The following TMEM135 variants were observed in gnomAD, a reference collection of about 807,000 sequenced individuals.
The protein encoded by TMEM135 is transmembrane protein 135, also known as peroxisomal membrane protein 52.
TMEM135 carries 30 observed loss-of-function variants against 60.3 expected under a neutral mutation model. The ratio of observed to expected loss-of-function variants is 0.50; its 90% CI spans 0.37 to 0.68. The LOEUF is 0.68. TMEM135 is among the 30% of genes least tolerant of loss of function. TMEM135 has a pLI of 0.00. For missense variants in TMEM135, 468 were observed against 548.8 expected (o/e 0.85, Z 1.47); for synonymous variants, 190 against 186.7 (o/e 1.02, Z -0.14).
At position 87,071,688 on chromosome 11, in the gene TMEM135, A is replaced by G. The variant is rs1555099523; in HGVS notation, c.362+73A>G. 5 of 955,208 alleles carry G rather than the reference A, an allele frequency of 5.2e-6. No individual in the cohort carries two copies. The Admixed American group carries it at 7.1e-5, about 14-fold the overall frequency. The allele number at this position is 955,208 out of a possible 1,614,324, so 59.2% of individuals were successfully genotyped here. ...CCCCAACTATAATTTTTTTTTTTTTAATTATCACTTACAGGGATGAGAAAT... is the reference window on the plus strand; with the variant it reads ...CCCCAACTATAATTTTTTTTTTTTTGATTATCACTTACAGGGATGAGAAAT... On this transcript the variant is annotated intron_variant, in intron 3 of 14. Transcript: ENST00000305494.
chr11:87,129,739 C>T (rs1937862716), intron 4 of TMEM135, among the ~76,000 whole-genome samples: 3 of 151,958 alleles, frequency 2.0e-5, no homozygotes, highest in Non-Finnish European at 2.9e-5. Context: ...TGTGGTTTTG[C>T]CATGTTAGCC....
intron 6 of TMEM135, among the ~76,000 whole-genome samples, chr11:87,276,479 A>AG (rs1277337290): frequency 1.3e-5 from 2 of 151,330 alleles, no homozygotes; most frequent in African/African-American, 4.9e-5. Context: ...CAATTTTGTT[A>AG]CTCTAGTACA....
chr11:87,228,112 G>A (rs1940804775), intron 5 of TMEM135, among the ~76,000 whole-genome samples: 1 of 152,074 alleles, frequency 6.6e-6, no homozygotes, highest in East Asian at 1.9e-4. Flanking sequence ...CCACCTATAG[G>A]ATGAAGTGTA....
intron 6 of TMEM135, among the ~76,000 whole-genome samples, chr11:87,257,520 G>A (rs1335109267): frequency 1.3e-5 from 2 of 152,192 alleles, no homozygotes; most frequent in Non-Finnish European, 2.9e-5. Flanking sequence ...CTCGTCTTCA[G>A]TGGGGATAAT....
intron 4 of TMEM135, among the ~76,000 whole-genome samples, chr11:87,116,257 G>A (rs1448612390): frequency 6.6e-6 from 1 of 152,100 alleles, no homozygotes; most frequent in Non-Finnish European, 1.5e-5. Context: ...ATAATTGTTA[G>A]CCTTTATAAA....
Position 87,177,920 on chromosome 11 carries a change from T to C in TMEM135, c.462+20514T>C, listed in dbSNP as rs184840023. Among the ~76,000 whole-genome samples, 19 of 152,272 alleles carry C rather than the reference T, an allele frequency of 1.2e-4. No individual in the cohort carries two copies. In the East Asian group the frequency reaches 3.1e-3, roughly 25 times the overall value. On this transcript the variant is annotated intron_variant, in intron 5 of 14. Transcript: ENST00000305494. ...CTCACAGAGCTCACTAAAAATGTTA[T>C]ATAGTTTTATTATAAAGGGTACACA...
In TMEM135 at chr11:87,275,262, G is replaced by T. The variant is rs1264521635; in HGVS notation, c.510-20520G>T. 1.3e-5 allele frequency among the ~76,000 whole-genome samples: 2 copies of T among 152,054 alleles called. 1 individual carries two copies. Among genetic ancestry groups the T allele is most frequent in the Admixed American group, 1.3e-4 (2 of 15,250 alleles). ...TCTTGGAATTTAGACTCTGAAGCTT[G>T]AATTTCCTTCCTTTTTTTCAACAAA... On this transcript the variant is annotated intron_variant, in intron 6 of 14. Transcript: ENST00000305494.
intron 6 of TMEM135, among the ~76,000 whole-genome samples, chr11:87,248,810 C>T (rs1353383974): frequency 3.3e-5 from 5 of 152,008 alleles, no homozygotes; most frequent in Non-Finnish European, 7.4e-5. Flanking sequence ...TTATAGTTTT[C>T]ATTGTAGAGA....
chr11:87,179,685 C>T (rs188120450), intron 5 of TMEM135, among the ~76,000 whole-genome samples: 175 of 152,146 alleles, frequency 1.2e-3, no homozygotes, highest in Middle Eastern at 0.01. Flanking sequence ...TCTGTCTTTG[C>T]CCATTGAATT....
At chr11:87,084,120 G>GA (rs999169370) in intron 3 of TMEM135, among the ~76,000 whole-genome samples, 45 of 151,566 alleles carry the variant, frequency 3.0e-4, no homozygotes, top group African/African-American at 8.9e-4. Flanking sequence ...AAAGCTTCTG[G>GA]AAAAAAAACC....
chr11:87,075,972 A>T lies in TMEM135; in HGVS notation c.362+4357A>T, dbSNP rs534942552. Reference sequence around the variant, plus strand: ...CATCCCTGTGGCTACCATCCCTGGGACTGCGCTGGGTCAGACTTGAAGCTA... The same window carrying T: ...CATCCCTGTGGCTACCATCCCTGGGTCTGCGCTGGGTCAGACTTGAAGCTA... On this transcript the variant is annotated intron_variant, in intron 3 of 14. Coordinates refer to ENST00000305494, the MANE Select transcript of TMEM135 (RefSeq NM_022918.4). 2.0e-5 allele frequency among the ~76,000 whole-genome samples: 3 copies of T among 152,224 alleles called. No individual in the cohort carries two copies. In the East Asian group the frequency reaches 5.8e-4, roughly 30 times the overall value.
intron 3 of TMEM135, among the ~76,000 whole-genome samples, chr11:87,077,624 C>T (rs973286814): frequency 6.6e-6 from 1 of 152,144 alleles, no homozygotes; most frequent in Admixed American, 6.5e-5. Context: ...CCATACAGTT[C>T]ACCCTTTTGA....
At chr11:87,063,764 C>T (rs976804448) in intron 1 of TMEM135, among the ~76,000 whole-genome samples, 3 of 152,146 alleles carry the variant, frequency 2.0e-5, no homozygotes, top group Admixed American at 2.0e-4. Flanking sequence ...AGGTTATTTT[C>T]TGTGTCTTGT....
At chr11:87,125,177 G>T (rs1052692994) in intron 4 of TMEM135, among the ~76,000 whole-genome samples, 2 of 152,106 alleles carry the variant, frequency 1.3e-5, no homozygotes, top group African/African-American at 4.8e-5. Flanking sequence ...ACTAAATTAG[G>T]TATGAAACAC....
Position 87,220,865 on chromosome 11 carries a change from C to T in TMEM135, c.463-15773C>T, listed in dbSNP as rs1490260464. On this transcript the variant is annotated intron_variant, in intron 5 of 14. Transcript: ENST00000305494. ...ATATGTCTATATGTTTAATAACCTA[C>T]ATTTTCAAGGTAGTTCGTTGGAATA... is the stretch of plus-strand genomic sequence containing the variant. Among the ~76,000 whole-genome samples the T allele has an allele frequency of 2.0e-5, 3 of 152,136 alleles. No homozygotes were observed. The East Asian group carries it at 5.8e-4, about 29-fold the overall frequency.
chr11:87,194,934 TA>T (rs1346733152), intron 5 of TMEM135, among the ~76,000 whole-genome samples: 1 of 152,208 alleles, frequency 6.6e-6, no homozygotes, highest in African/African-American at 2.4e-5. Flanking sequence ...AAATGATGCA[TA>T]TATGTTACTT....
At chr11:87,192,738 A>C (rs533674383) in intron 5 of TMEM135, among the ~76,000 whole-genome samples, 22 of 152,318 alleles carry the variant, frequency 1.4e-4, no homozygotes, top group Admixed American at 1.3e-3. Flanking sequence ...GGCTGGTACA[A>C]ATTCATTTTT....
chr11:87,219,651 C>T (rs149986408), intron 5 of TMEM135, among the ~76,000 whole-genome samples: 227 of 152,236 alleles, frequency 1.5e-3, no homozygotes, highest in African/African-American at 5.4e-3. Context: ...TTCCTAACAG[C>T]CATCTCTTCA....
chr11:87,282,976 T>C (rs909711064), intron 6 of TMEM135, among the ~76,000 whole-genome samples: 3 of 152,098 alleles, frequency 2.0e-5, no homozygotes, highest in African/African-American at 7.2e-5. Context: ...TAAGCTGGAG[T>C]ATTTGAAATT....
Sources: allele counts gnomAD v4.1 joint callset (sites outside exome capture counted in the v4.1 genomes callset), GRCh38; gene constraint gnomAD v4.1.1; transcripts MANE v1.5; gene names NCBI Gene and HGNC (gene_info 2026-07-23, HGNC 2026-07-21).